HDAC4: variants seen among roughly 807,000 people sequenced by gnomAD.
The protein encoded by HDAC4 is histone deacetylase 4.
A neutral mutation model predicts 135.1 loss-of-function variants in HDAC4; 16 were observed. The observed-to-expected ratio is 0.12, with a 90% CI of 0.08 to 0.18. The LOEUF (loss-of-function observed/expected upper bound fraction) is 0.18, where lower values mean the gene tolerates loss of function less well. HDAC4 is among the 10% of genes least tolerant of loss of function. The pLI is 1.00. For missense variants in HDAC4, 1,143 were observed against 1,511.8 expected (o/e 0.76, Z 4.05); for synonymous variants, 685 against 653.4 (o/e 1.05, Z -0.74).
In HDAC4 at chr2:239,139,244, T is replaced by TA. The variant is rs1485976400; in HGVS notation, c.978+439dup. 1.3e-5 allele frequency among the ~76,000 whole-genome samples: 2 copies of TA among 152,138 alleles called. No individual in the cohort carries two copies. The highest frequency in any genetic ancestry group is 2.9e-5 in the Non-Finnish European group (2 of 68,034). ...GTGTTGTGTATTTCTCAATACAAAA[T>TA]AAAAAATGTTAAGTCTCACTTAGCA... On this transcript the variant is annotated intron_variant, in intron 9 of 26. Transcript: ENST00000543185. The surrounding 1 kb of genome is among the most constrained non-coding windows in gnomAD (Gnocchi z 5.3).
At chr2:239,396,988 C>T (rs1696603298) in intron 1 of HDAC4, among the ~76,000 whole-genome samples, 1 of 152,252 alleles carries the variant, frequency 6.6e-6, no homozygotes, top group African/African-American at 2.4e-5. Flanking sequence ...TCTGCAGTCC[C>T]ACACGTGACA....
chr2:239,292,666 T>C (rs1013767390), intron 2 of HDAC4, among the ~76,000 whole-genome samples: 1 of 152,098 alleles, frequency 6.6e-6, no homozygotes, highest in African/African-American at 2.4e-5. Context: ...CATGATCCAG[T>C]GTCATGAACT....
At chr2:239,135,079 C>A (rs2040858089) in intron 9 of HDAC4, among the ~76,000 whole-genome samples, 1 of 152,214 alleles carries the variant, frequency 6.6e-6, no homozygotes, top group Non-Finnish European at 1.5e-5. Context: ...TAACATTTAA[C>A]TGTACATTTA....
intron 4 of HDAC4, among the ~76,000 whole-genome samples, chr2:239,181,724 G>A (rs1347317355): frequency 2.0e-5 from 3 of 152,184 alleles, no homozygotes; most frequent in African/African-American, 7.2e-5. Context: ...CTTGCTGCCA[G>A]CGCACTTGCA....
At chr2:239,358,167 T>A (rs1693633049) in intron 1 of HDAC4, among the ~76,000 whole-genome samples, 5 of 152,150 alleles carry the variant, frequency 3.3e-5, no homozygotes, top group Admixed American at 3.3e-4. Context: ...CCAAATCACC[T>A]CCTTTTTGCT....
rs58952360 is a variant in HDAC4, at chr2:239,184,069, TAAAAAA to T, written c.339+5758_339+5763del. On this transcript the variant is annotated intron_variant, in intron 4 of 26. Coordinates refer to ENST00000543185, the MANE Select transcript of HDAC4 (RefSeq NM_001378414.1). ...GAAAAAGAGGCCAGCCTTGCTAGTG[TAAAAAA>T]AAAAAAAAAAAAAAAAAAAAAGACA... Among the ~76,000 whole-genome samples, 328 of 71,400 alleles carry T rather than the reference TAAAAAA, an allele frequency of 4.6e-3. 2 individuals are homozygous for T. The highest frequency in any genetic ancestry group is 0.019 in the African/African-American group (311 of 16,290). The allele number at this position is 71,400 out of a possible 152,430, so 46.8% of individuals were successfully genotyped here. A position where few individuals can be genotyped will look rare whatever the true frequency, so the allele number is the denominator to read the frequency against.
intron 2 of HDAC4, 56 bp from the exon 3 acceptor site, chr2:239,236,720 C>A: frequency 4.5e-6 from 6 of 1,331,214 alleles, no homozygotes; most frequent in Non-Finnish European, 6.3e-6. Context: ...AGCCAACATA[C>A]TTTATGCTGG....
intron 2 of HDAC4, among the ~76,000 whole-genome samples, chr2:239,351,296 A>G (rs1026391450): frequency 6.6e-6 from 1 of 152,246 alleles, no homozygotes; most frequent in Non-Finnish European, 1.5e-5. Flanking sequence ...GCAAGGTATC[A>G]AAAGAGCAAG....
chr2:239,191,505 G>C (rs1311925733), intron 3 of HDAC4, among the ~76,000 whole-genome samples: 1 of 152,232 alleles, frequency 6.6e-6, no homozygotes, highest in Non-Finnish European at 1.5e-5. Context: ...TCCCACACTG[G>C]CTTTGTCTCC....
chr2:239,104,655 T>C (rs553841409), intron 15 of HDAC4, among the ~76,000 whole-genome samples: 1 of 152,344 alleles, frequency 6.6e-6, no homozygotes, highest in African/African-American at 2.4e-5. Context: ...AAGGTCCCCG[T>C]AGGGGACCAC....
chr2:239,188,344 T>C (rs1281909464), intron 4 of HDAC4, among the ~76,000 whole-genome samples: 1 of 152,206 alleles, frequency 6.6e-6, no homozygotes, highest in Non-Finnish European at 1.5e-5. Context: ...CTGAACAAAG[T>C]GTCTTACATA....
chr2:239,400,529 C>A lies in HDAC4; in HGVS notation c.-220+449G>T, dbSNP rs1467552469. 6.9e-6 allele frequency: 1 copy of A among 145,964 alleles called. No individual in the cohort carries two copies. Among genetic ancestry groups the A allele is most frequent in the South Asian group, 2.1e-4 (1 of 4,798 alleles). The allele number at this position is 145,964 out of a possible 1,614,324, so 9.0% of individuals were successfully genotyped here. On this transcript the variant is annotated intron_variant, in intron 1 of 26. Transcript: ENST00000543185. This position sits in a 1 kb window ranked among gnomAD's most constrained non-coding sequence, Gnocchi z 4.7. ...CGGCCCTGGGGACCGGCGGGTCCCA[C>A]GGCGCGCGGCCAGCGCTGGCCCCCG...
chr2:239,271,421 C>T (rs778397769), intron 2 of HDAC4, among the ~76,000 whole-genome samples: 3 of 152,222 alleles, frequency 2.0e-5, no homozygotes, highest in Non-Finnish European at 4.4e-5. Context: ...CCACTGTGCT[C>T]GGTCGGCTTA....
chr2:239,139,750 G>T lies in HDAC4; in HGVS notation c.912C>A (p.Asn304Lys), dbSNP rs778804577. ...SAPGSGPSSP[N>K]NSSGSVSAEN... is the part of the protein sequence containing the mutation. Reference sequence around the variant, plus strand: ...CCGCGCTGACGCTCCCGGAGCTGTTGTTGGGTGAGCTGGGTCCGGAGCCTG... The same window carrying T: ...CCGCGCTGACGCTCCCGGAGCTGTTTTTGGGTGAGCTGGGTCCGGAGCCTG... Residue 304 changes from asparagine (N) to lysine (K), a missense_variant, in exon 9 of 27, where the codon AAC (asparagine) becomes AAA (lysine). Physicochemically the swap from Asn to Lys is moderately conservative, Grantham distance 94. This residue lies in a region of HDAC4 where 272 missense variants were observed against 309.7 expected (regional missense o/e 0.88). Transcript: ENST00000543185. The surrounding 1 kb of genome is among the most constrained non-coding windows in gnomAD (Gnocchi z 5.3). 2.5e-6 allele frequency: 4 copies of T among 1,614,142 alleles called. No individual in the cohort carries two copies. Among genetic ancestry groups the T allele is most frequent in the Admixed American group, 3.3e-5 (2 of 60,032 alleles).
chr2:239,271,442 T>C (rs1412986153), intron 2 of HDAC4, among the ~76,000 whole-genome samples: 1 of 152,268 alleles, frequency 6.6e-6, no homozygotes, highest in Admixed American at 6.5e-5. Context: ...GTGTGTTTTT[T>C]GTTTACACAT....
intron 3 of HDAC4, among the ~76,000 whole-genome samples, chr2:239,206,568 T>C (rs1017828358): frequency 6.6e-6 from 1 of 150,392 alleles, no homozygotes; most frequent in African/African-American, 2.5e-5. Context: ...TTAAATGACA[T>C]GACAGGGCTA....
chr2:239,087,757 G>A (rs1195241153), intron 18 of HDAC4, 143 bp from the exon 19 acceptor site: 2 of 789,156 alleles, frequency 2.5e-6, no homozygotes, highest in East Asian at 5.3e-5. Flanking sequence ...ACAGTGATGG[G>A]GACAGGATGC....
intron 2 of HDAC4, among the ~76,000 whole-genome samples, chr2:239,328,968 C>T (rs1008455151): frequency 7.2e-5 from 11 of 152,266 alleles, no homozygotes; most frequent in Admixed American, 5.2e-4. Flanking sequence ...TAAGAAACCA[C>T]TTGGCTGCTG....
At chr2:239,366,434 A>G (rs1170344618) in intron 1 of HDAC4, among the ~76,000 whole-genome samples, 1 of 152,258 alleles carries the variant, frequency 6.6e-6, no homozygotes. Context: ...AGATGTCAGC[A>G]CTGAGGCCCT....
Sources: allele counts gnomAD v4.1 joint callset (sites outside exome capture counted in the v4.1 genomes callset), GRCh38; gene constraint gnomAD v4.1.1; regional missense constraint gnomAD v4.1.1; non-coding constraint Gnocchi (gnomAD v3.1); transcripts MANE v1.5; gene names NCBI Gene and HGNC (gene_info 2026-07-23, HGNC 2026-07-21).